ANXA4: variants seen among roughly 807,000 people sequenced by gnomAD.
The protein encoded by ANXA4 is annexin A4.
Under a neutral mutation model 49.8 loss-of-function variants are expected in ANXA4, and 39 were observed. The ratio of observed to expected loss-of-function variants is 0.78; its 90% CI spans 0.61 to 1.02. The LOEUF is 1.02. Among genes scored for constraint, ANXA4 ranks in the 50% least tolerant of loss-of-function variants. The pLI is 0.00. For synonymous variants in ANXA4, 134 were observed against 152.5 expected (o/e 0.88, Z 0.89); for missense variants, 360 against 410.1 (o/e 0.88, Z 1.05).
chr2:69,656,135 T>A (rs1014199927), intron 2 of ANXA4, among the ~76,000 whole-genome samples: 2 of 150,558 alleles, frequency 1.3e-5, no homozygotes, highest in African/African-American at 4.9e-5. Flanking sequence ...GTAACAAACC[T>A]GCACGTTATG....
At chr2:69,652,225 C>T (rs1356220581) in intron 1 of ANXA4, among the ~76,000 whole-genome samples, 2 of 152,048 alleles carry the variant, frequency 1.3e-5, no homozygotes, top group Admixed American at 6.6e-5. Flanking sequence ...AGCCTGGCCT[C>T]GAACTCCTCA....
intron 2 of ANXA4, among the ~76,000 whole-genome samples, chr2:69,655,027 C>A (rs1676383292): frequency 6.6e-6 from 1 of 152,118 alleles, no homozygotes; most frequent in South Asian, 2.1e-4. Flanking sequence ...AAAATGAACT[C>A]AAGATGGATT....
chr2:69,700,083 A>G (rs1678282576), intron 2 of ANXA4: 1 of 152,266 alleles, frequency 6.6e-6, no homozygotes. Context: ...TAACATTACG[A>G]TTTTAGACAA....
chr2:69,715,765 G>A (rs146590210), intron 2 of ANXA4, among the ~76,000 whole-genome samples: 3 of 152,340 alleles, frequency 2.0e-5, no homozygotes, highest in Admixed American at 6.5e-5. Context: ...TGCACAGAGG[G>A]CAGTGGGAAC....
rs769069858 is a variant in ANXA4 at position 69,651,824 on chromosome 2, G to T, written n.482-1174G>T. 8.9e-3 allele frequency among the ~76,000 whole-genome samples: 461 copies of T among 51,766 alleles called. 5 individuals carry two copies. Among genetic ancestry groups the T allele is most frequent in the Non-Finnish European group, 0.012 (325 of 26,742 alleles). 34.0% of individuals were successfully genotyped at this position (51,766 alleles called of 152,430 possible). ...GCTTTTTTTTTTTTTTTTTGGGGGG[G>T]GGGGGCGGGGAGACAGAGTCTCACT... On this transcript the variant is annotated intron_variant and non_coding_transcript_variant, in intron 1 of 3. Coordinates refer to the ANXA4 transcript ENST00000418066.
chr2:69,740,408 T>G (rs1670354559), upstream of ANXA4, among the ~76,000 whole-genome samples: 1 of 152,122 alleles, frequency 6.6e-6, no homozygotes, highest in African/African-American at 2.4e-5. Flanking sequence ...GTATTTCATT[T>G]TTTTTCCTAC....
chr2:69,770,668 C>T (rs1285621242), intron 1 of ANXA4, among the ~76,000 whole-genome samples: 1 of 152,020 alleles, frequency 6.6e-6, no homozygotes, highest in Non-Finnish European at 1.5e-5. Flanking sequence ...AACTCTCTCT[C>T]AGCACGACAA....
At chr2:69,820,333 G>T (rs768575970) in intron 11 of ANXA4, among the ~76,000 whole-genome samples, 3 of 151,568 alleles carry the variant, frequency 2.0e-5, no homozygotes, top group Non-Finnish European at 4.4e-5. Context: ...AAATGTAGAA[G>T]TTTTACATCA....
At chr2:69,655,702 C>T (rs1330740438) in intron 2 of ANXA4, among the ~76,000 whole-genome samples, 1 of 152,200 alleles carries the variant, frequency 6.6e-6, no homozygotes, top group African/African-American at 2.4e-5. Context: ...GATTGTAAAT[C>T]ATTCCACTTT....
intron 2 of ANXA4, among the ~76,000 whole-genome samples, chr2:69,665,300 C>T (rs886069519): frequency 6.6e-6 from 1 of 151,966 alleles, no homozygotes; most frequent in Admixed American, 6.6e-5. Flanking sequence ...CTGTTGAAGC[C>T]CGCAGCGGTT....
intron 2 of ANXA4, among the ~76,000 whole-genome samples, chr2:69,714,699 G>A (rs62133973): frequency 0.025 from 3,854 of 152,328 alleles, 60 homozygotes; most frequent in Non-Finnish European, 0.039. Context: ...GGAGGCAAGC[G>A]TGCTTCAGCA....
At chr2:69,733,955 A>AT (rs903124243) in intron 3 of ANXA4, among the ~76,000 whole-genome samples, 2,652 of 142,368 alleles carry the variant, frequency 0.019, 63 homozygotes, top group African/African-American at 0.053. Flanking sequence ...GGGATGAGCT[A>AT]TTTTTTTTTT....
intron 1 of ANXA4, among the ~76,000 whole-genome samples, chr2:69,647,426 T>A (rs1016672118): frequency 6.6e-5 from 10 of 151,286 alleles, no homozygotes; most frequent in Admixed American, 6.6e-4. Context: ...ATTTATTTTT[T>A]GAGACAGAGT....
At chr2:69,697,255 T>C (rs992733183) in intron 2 of ANXA4, among the ~76,000 whole-genome samples, 51 of 152,236 alleles carry the variant, frequency 3.4e-4, no homozygotes, top group Admixed American at 7.2e-4. Flanking sequence ...TTTTATGTTA[T>C]AGAGATGGCT....
chr2:69,775,694 T>G (rs1671933838), intron 1 of ANXA4, among the ~76,000 whole-genome samples: 1 of 152,222 alleles, frequency 6.6e-6, no homozygotes, highest in Non-Finnish European at 1.5e-5. Flanking sequence ...GCACTCATGC[T>G]TCTTCATGCA....
Position 69,731,107 on chromosome 2 carries a change from T to C in ANXA4, n.864+10236T>C, listed in dbSNP as rs771629846. Among the ~76,000 whole-genome samples the C allele has an allele frequency of 7.5e-4, 114 of 152,334 alleles. 1 individual carries two copies. Among genetic ancestry groups the C allele is most frequent in the South Asian group, 1.0e-3 (5 of 4,826 alleles). ...AGTCACCAGTAGGCCTCCCTGTGTC[T>C]ACCAGGATGCAGAAGGTAACAACAT... On this transcript the variant is annotated intron_variant and non_coding_transcript_variant, in intron 3 of 3. Coordinates refer to the ANXA4 transcript ENST00000418066.
At chr2:69,817,774 T>C (rs1674062596) in intron 9 of ANXA4, 1 of 152,210 alleles carries the variant, frequency 6.6e-6, no homozygotes, top group African/African-American at 2.4e-5. Context: ...TTAGAATCTC[T>C]GAGTGTGACA....
chr2:69,739,719 C>T (rs895518686), upstream of ANXA4, among the ~76,000 whole-genome samples: 22 of 152,080 alleles, frequency 1.4e-4, no homozygotes, highest in African/African-American at 5.1e-4. Flanking sequence ...CCACAGCACC[C>T]AGCCCTATCT....
intron 1 of ANXA4, among the ~76,000 whole-genome samples, chr2:69,773,654 CAG>C (rs1671835464): frequency 2.1e-5 from 2 of 94,084 alleles, no homozygotes; most frequent in South Asian, 3.6e-4. Context: ...TTGTTTTCGA[CAG>C]AGTCTTGCTC....
Sources: gnomAD v4.1 joint callset for allele counts (sites outside exome capture counted in the v4.1 genomes callset) on GRCh38, gnomAD v4.1.1 for gene constraint, MANE v1.5 for transcripts, NCBI Gene and HGNC (gene_info 2026-07-23, HGNC 2026-07-21) for gene names.